Variants in FAM177A1 observed in about 807,000 individuals in gnomAD.
The protein encoded by FAM177A1 is protein FAM177A1.
In FAM177A1, 22 loss-of-function variants were observed where a neutral mutation model predicts 26.1. The observed-to-expected ratio is 0.84, with a 90% CI of 0.60 to 1.20. The LOEUF is 1.20. Ranked by LOEUF, FAM177A1 falls within the 50% of genes most tolerant of loss-of-function variation. The probability of loss-of-function intolerance (pLI) is 0.00; values close to 1 mark genes in which losing one functional copy is unlikely to be tolerated. For missense variants in FAM177A1, 296 were observed against 291.1 expected, an observed-to-expected ratio of 1.02 and a Z score of -0.12; for synonymous variants, 95 against 99.3, an observed-to-expected ratio of 0.96 and a Z score of 0.26.
At chr14:35,056,985 G>A (rs946101612) in intron 2 of FAM177A1, among the ~76,000 whole-genome samples, 1 of 152,054 alleles carries the variant, frequency 6.6e-6, no homozygotes, top group Non-Finnish European at 1.5e-5. Flanking sequence ...TGCCAATTTT[G>A]TTGGTCTTTC....
chr14:35,067,773 G>C (rs903780079), intron 2 of FAM177A1, among the ~76,000 whole-genome samples: 1 of 152,124 alleles, frequency 6.6e-6, no homozygotes, highest in African/African-American at 2.4e-5. Context: ...TTTCCTTAAT[G>C]ATTAGTGATG....
At chr14:35,075,225 A>G (rs2045377034) in intron 2 of FAM177A1, among the ~76,000 whole-genome samples, 1 of 152,222 alleles carries the variant, frequency 6.6e-6, no homozygotes, top group African/African-American at 2.4e-5. Flanking sequence ...AAGATTAACT[A>G]CGTAGGTGTG....
rs77542796 is a variant in FAM177A1, at chr14:35,067,324, C to T, written c.340-9826C>T. Among the ~76,000 whole-genome samples the T allele has an allele frequency of 7.1e-4, 108 of 152,282 alleles. No homozygotes were observed. In the East Asian group the frequency reaches 0.013, roughly 19 times the overall value. On this transcript the variant is annotated intron_variant, in intron 2 of 4. Transcript: ENST00000280987. ...CTGGGTTATTTCAGTAGCATAATGT[C>T]CTCCAGGTTCATCCACGTTGCACAA...
chr14:35,046,010 T>G (rs931812141), upstream of FAM177A1: 1 of 153,832 alleles, frequency 6.5e-6, no homozygotes, highest in Non-Finnish European at 1.4e-5. Flanking sequence ...ATCACTAGCC[T>G]TTGAAGTACA....
intron 2 of FAM177A1, among the ~76,000 whole-genome samples, chr14:35,072,078 C>T (rs903570264): frequency 1.3e-5 from 2 of 152,086 alleles, no homozygotes; most frequent in African/African-American, 2.4e-5. Flanking sequence ...AGTTTGAGAC[C>T]AGCCTGGCCA....
chr14:35,072,058 CA>C (rs1221007210), intron 2 of FAM177A1, among the ~76,000 whole-genome samples: 6 of 152,076 alleles, frequency 3.9e-5, no homozygotes, highest in Non-Finnish European at 4.4e-5. Context: ...GGGCAGATCA[CA>C]AGGTCAGGAG....
chr14:35,057,789 C>G (rs1378681605), intron 2 of FAM177A1, among the ~76,000 whole-genome samples: 2 of 151,856 alleles, frequency 1.3e-5, no homozygotes, highest in Non-Finnish European at 2.9e-5. Flanking sequence ...ATTTGTTTGT[C>G]TATTTTTTCT....
At chr14:35,057,621 C>T (rs2045081710) in intron 2 of FAM177A1, among the ~76,000 whole-genome samples, 1 of 152,114 alleles carries the variant, frequency 6.6e-6, no homozygotes, top group South Asian at 2.1e-4. Context: ...CCTAGGTGAT[C>T]TGCCCGCCTC....
At chr14:35,067,634 G>T (rs2045259299) in intron 2 of FAM177A1, among the ~76,000 whole-genome samples, 1 of 152,078 alleles carries the variant, frequency 6.6e-6, no homozygotes, top group Admixed American at 6.6e-5. Context: ...GTACTGATTT[G>T]CATTCCCACC....
At chr14:35,054,998 A>ATAAAAAG (rs2045036806) in intron 2 of FAM177A1, 1 of 151,188 alleles carries the variant, frequency 6.6e-6, no homozygotes, top group South Asian at 2.1e-4. Context: ...AAAATAAAAA[A>ATAAAAAG]TAAAATAAAA....
chr14:35,070,021 C>G (rs987227053), intron 2 of FAM177A1, among the ~76,000 whole-genome samples: 1 of 140,992 alleles, frequency 7.1e-6, no homozygotes, highest in African/African-American at 2.7e-5. Flanking sequence ...GAGGCTAAGG[C>G]AGAGAATTGC....
At chr14:35,060,224 C>T (rs1185650553) in intron 2 of FAM177A1, among the ~76,000 whole-genome samples, 2 of 152,030 alleles carry the variant, frequency 1.3e-5, no homozygotes, top group Non-Finnish European at 2.9e-5. Flanking sequence ...ATCCACCTGC[C>T]TTGGCCTCCT....
chr14:35,057,694 T>A (rs993719855), intron 2 of FAM177A1, among the ~76,000 whole-genome samples: 6 of 152,110 alleles, frequency 3.9e-5, no homozygotes, highest in South Asian at 2.1e-4. Flanking sequence ...CCTTCATTTT[T>A]ATTTAAAGTA....
chr14:35,066,463 T>C (rs2045242867), intron 2 of FAM177A1, among the ~76,000 whole-genome samples: 1 of 150,872 alleles, frequency 6.6e-6, no homozygotes, highest in Non-Finnish European at 1.5e-5. Context: ...TGGAGTGCAG[T>C]GGCGTAATCT....
In FAM177A1 at chr14:35,083,370, A is replaced by T. The variant is rs1454632836; in HGVS notation, c.*2142A>T. The T allele has an allele frequency of 1.3e-5, 2 of 152,664 alleles. No individual in the cohort carries two copies. The allele number at this position is 152,664 out of a possible 1,614,324, so 9.5% of individuals were successfully genotyped here. On this transcript the variant is annotated 3_prime_UTR_variant, in exon 5 of 5. Transcript: ENST00000280987. Reference sequence around the variant, plus strand: ...GTTTATGCAAACTATAAAATTTCCCATAAATGTATTCAATGGTTTGTCTTA... The same window carrying T: ...GTTTATGCAAACTATAAAATTTCCCTTAAATGTATTCAATGGTTTGTCTTA...
intron 1 of FAM177A1, 168 bp downstream of exon 1, chr14:35,046,796 A>G: frequency 2.2e-6 from 3 of 1,380,944 alleles, no homozygotes; most frequent in Non-Finnish European, 2.8e-6. Context: ...GCTTGTGGGA[A>G]GGAGCGCCCC....
chr14:35,054,263 A>T (rs1330708923), intron 2 of FAM177A1, among the ~76,000 whole-genome samples: 1 of 152,220 alleles, frequency 6.6e-6, no homozygotes, highest in Non-Finnish European at 1.5e-5. Flanking sequence ...TTTGATTGGA[A>T]GATAAGAATA....
chr14:35,078,273 G>A (rs1269827564), intron 3 of FAM177A1, among the ~76,000 whole-genome samples: 1 of 152,106 alleles, frequency 6.6e-6, no homozygotes, highest in Non-Finnish European at 1.5e-5. Flanking sequence ...ACAGTACCTG[G>A]CACATGGTAG....
At chr14:35,072,932 A>C (rs2045345126) in intron 2 of FAM177A1, among the ~76,000 whole-genome samples, 1 of 152,102 alleles carries the variant, frequency 6.6e-6, no homozygotes, top group African/African-American at 2.4e-5. Flanking sequence ...GATGTGCACA[A>C]CACTTGGGCA....
Sources: allele counts gnomAD v4.1 joint callset (sites outside exome capture counted in the v4.1 genomes callset), GRCh38; gene constraint gnomAD v4.1.1; transcripts MANE v1.5; gene names NCBI Gene and HGNC (gene_info 2026-07-23, HGNC 2026-07-21).